Variants in RAF1 observed in about 807,000 individuals in gnomAD.
RAF1 encodes the protein RAF proto-oncogene serine/threonine-protein kinase.
A neutral mutation model predicts 81.1 loss-of-function variants in RAF1; 27 were observed. That is an observed-to-expected ratio of 0.33 (90% confidence interval 0.25 to 0.46). The LOEUF is 0.46. Among genes scored for constraint, RAF1 ranks in the 20% least tolerant of loss-of-function variants. RAF1 has a pLI of 1.00. For synonymous variants in RAF1, 298 were observed against 294.0 expected, an observed-to-expected ratio of 1.01 and a Z score of -0.14; for missense variants, 598 against 826.0, an observed-to-expected ratio of 0.72 and a Z score of 3.38.
intron 11 of RAF1, among the ~76,000 whole-genome samples, chr3:12,594,157 A>T (rs923822845): frequency 1.1e-4 from 17 of 152,152 alleles, no homozygotes; most frequent in Admixed American, 7.9e-4. Flanking sequence ...AGCTCAGGAA[A>T]GGTACAAGAA....
chr3:12,634,074 T>C (rs2059945960), intron 1 of RAF1, among the ~76,000 whole-genome samples: 1 of 151,796 alleles, frequency 6.6e-6, no homozygotes, highest in Non-Finnish European at 1.5e-5. Flanking sequence ...AGCAAAACTA[T>C]CAGTGAGGGA....
intron 2 of RAF1, among the ~76,000 whole-genome samples, chr3:12,613,369 G>T (rs184862348): frequency 6.6e-6 from 1 of 152,212 alleles, no homozygotes; most frequent in African/African-American, 2.4e-5. Flanking sequence ...TCCTCTGATT[G>T]AAAGTGCTAA....
At chr3:12,613,497 AG>A in intron 2 of RAF1, among the ~76,000 whole-genome samples, 1 of 148,742 alleles carries the variant, frequency 6.7e-6, no homozygotes, top group Admixed American at 6.7e-5. Context: ...GGGAGGGGGA[AG>A]GAAGTAAAGC....
intron 1 of RAF1, among the ~76,000 whole-genome samples, chr3:12,644,499 C>G (rs2060285001): frequency 6.6e-6 from 1 of 152,124 alleles, no homozygotes; most frequent in Admixed American, 6.6e-5. Context: ...TGTACAAGAA[C>G]TACAAGTCCT....
chr3:12,585,357 A>G, intron 15 of RAF1, 104 bp from the exon 15 acceptor site: 3 of 1,570,884 alleles, frequency 1.9e-6, no homozygotes, highest in Middle Eastern at 2.3e-4. Flanking sequence ...GAATGAGTCC[A>G]TTCTTCAGTC....
chr3:12,612,074 G>A lies in RAF1; in HGVS notation c.208-12C>T, dbSNP rs2125431728. The stretch of plus-strand genomic sequence containing the variant: ...TTTCGCACATTGACCTACAAACAAA[G>A]GACCACCTTTAGGACCAACACAGGC... On this transcript the variant is annotated splice_polypyrimidine_tract_variant and intron_variant, in intron 2 of 17. Transcript: ENST00000442415. 1 of 1,609,490 alleles carries A rather than the reference G, an allele frequency of 6.2e-7. No homozygotes were observed.
rs963517734 is a variant in RAF1 at position 12,663,888 on chromosome 3, T to C, written c.-102A>G. On this transcript the variant is annotated 5_prime_UTR_variant, in exon 1 of 18. Transcript: ENST00000442415. ...GCCCGCTCCTCCTCCCCGCGGCGGG[T>C]GAGGGAGCGGGAGGCGGTCACATTC... 3 of 397,686 alleles carry C rather than the reference T, an allele frequency of 7.5e-6. No individual in the cohort carries two copies. 24.6% of individuals were successfully genotyped at this position (397,686 alleles called of 1,614,324 possible). A position where few individuals can be genotyped will look rare whatever the true frequency, so the allele number is the denominator to read the frequency against.
At chr3:12,647,213 G>A (rs2060377457) in intron 1 of RAF1, among the ~76,000 whole-genome samples, 1 of 151,680 alleles carries the variant, frequency 6.6e-6, no homozygotes, top group Admixed American at 6.6e-5. Context: ...GGAGAATGGC[G>A]GGAACCCAGG....
intron 1 of RAF1, among the ~76,000 whole-genome samples, chr3:12,638,680 G>C (rs1020294258): frequency 6.6e-6 from 1 of 152,026 alleles, no homozygotes; most frequent in East Asian, 1.9e-4. Context: ...TCACACATCC[G>C]ATTTGTCTTA....
chr3:12,629,895 G>C (rs1302365784), intron 1 of RAF1, among the ~76,000 whole-genome samples: 1 of 152,184 alleles, frequency 6.6e-6, no homozygotes, highest in Non-Finnish European at 1.5e-5. Context: ...CAATCCTCCT[G>C]CCTCAGCTTC....
At chr3:12,643,877 G>C (rs1215475692) in intron 1 of RAF1, among the ~76,000 whole-genome samples, 1 of 152,058 alleles carries the variant, frequency 6.6e-6, no homozygotes, top group Non-Finnish European at 1.5e-5. Context: ...AAGAATATAG[G>C]GTTGTGATAA....
intron 1 of RAF1, among the ~76,000 whole-genome samples, chr3:12,651,208 C>T (rs1423436165): frequency 6.6e-6 from 1 of 152,166 alleles, no homozygotes; most frequent in Non-Finnish European, 1.5e-5. Flanking sequence ...CTTTTAACCC[C>T]TTCTTTGTTT....
Position 12,620,399 on chromosome 3 carries a change from G to A in RAF1, c.-26-1652C>T, listed in dbSNP as rs1383215434. Among the ~76,000 whole-genome samples the A allele has an allele frequency of 2.0e-5, 3 of 152,000 alleles. No individual in the cohort carries two copies. The South Asian group carries it at 6.2e-4, about 32-fold the overall frequency. The stretch of plus-strand genomic sequence containing the variant: ...TGTCCGCCTCGGCCTCCCAAATCAC[G>A]CCTGGGATTACAGGCATGAGCCACC... On this transcript the variant is annotated intron_variant, in intron 1 of 17. Coordinates refer to ENST00000442415, the MANE Select transcript of RAF1 (RefSeq NM_001354689.3).
intron 13 of RAF1, chr3:12,589,290 T>TG (rs1196809667): frequency 6.6e-6 from 1 of 152,170 alleles, no homozygotes; most frequent in Non-Finnish European, 1.5e-5. Context: ...CTGAGGTAGG[T>TG]GTACATTTTA....
At chr3:12,586,320 C>T (rs563261283) in intron 14 of RAF1, among the ~76,000 whole-genome samples, 1 of 152,262 alleles carries the variant, frequency 6.6e-6, no homozygotes, top group East Asian at 1.9e-4. Context: ...AGAATCGGTA[C>T]CACTCAGTGA....
At chr3:12,585,867 T>G in intron 14 of RAF1, 68 bp from the exon 14 acceptor site, 1 of 1,098,220 alleles carries the variant, frequency 9.1e-7, no homozygotes, top group Non-Finnish European at 1.4e-6. Flanking sequence ...TATCCCAAAG[T>G]TCTTTATAAC....
At chr3:12,651,703 G>A (rs2060532659) in intron 1 of RAF1, among the ~76,000 whole-genome samples, 1 of 150,000 alleles carries the variant, frequency 6.7e-6, no homozygotes, top group Non-Finnish European at 1.5e-5. Context: ...TGTTCAAAGA[G>A]GGAGGGAAAC....
chr3:12,644,665 A>G (rs1159456084), intron 1 of RAF1, among the ~76,000 whole-genome samples: 1 of 152,222 alleles, frequency 6.6e-6, no homozygotes, highest in Non-Finnish European at 1.5e-5. Context: ...AAACACCCAC[A>G]TGCAATAAAC....
At chr3:12,663,280 A>C (rs1007475416) in intron 1 of RAF1, among the ~76,000 whole-genome samples, 1 of 152,152 alleles carries the variant, frequency 6.6e-6, no homozygotes, top group Non-Finnish European at 1.5e-5. Context: ...AATAACCCAG[A>C]GTCCTGATAC....
Sources: allele counts gnomAD v4.1 joint callset (sites outside exome capture counted in the v4.1 genomes callset), GRCh38; gene constraint gnomAD v4.1.1; transcripts MANE v1.5; gene names NCBI Gene and HGNC (gene_info 2026-07-23, HGNC 2026-07-21).